Variants in ECPAS observed in about 807,000 individuals in gnomAD.
The protein encoded by ECPAS is proteasome adapter and scaffold protein ECM29.
ECPAS carries 70 observed loss-of-function variants against 255.1 expected under a neutral mutation model. The observed-to-expected ratio is 0.27, with a 90% CI of 0.23 to 0.33. ECPAS has a LOEUF of 0.33. Among genes scored for constraint, ECPAS ranks in the 10% least tolerant of loss-of-function variants. ECPAS has a pLI of 1.00. For missense variants in ECPAS, 1,817 were observed against 2,206.4 expected, an observed-to-expected ratio of 0.82 and a Z score of 3.54; for synonymous variants, 784 against 775.0, an observed-to-expected ratio of 1.01 and a Z score of -0.19.
intron 16 of ECPAS, among the ~76,000 whole-genome samples, chr9:111,419,707 C>T (rs764932728): frequency 1.3e-4 from 19 of 151,110 alleles, no homozygotes; most frequent in Middle Eastern, 3.5e-3. Flanking sequence ...ATATTACACA[C>T]GCAATCATAT....
chr9:111,456,659 C>G (rs546829285), intron 2 of ECPAS, among the ~76,000 whole-genome samples: 1 of 152,276 alleles, frequency 6.6e-6, no homozygotes, highest in South Asian at 2.1e-4. Flanking sequence ...CATATGTGAC[C>G]AGCTGCAGTT....
At chr9:111,479,571 C>T (rs560324177) in intron 1 of ECPAS, among the ~76,000 whole-genome samples, 4 of 151,386 alleles carry the variant, frequency 2.6e-5, no homozygotes, top group East Asian at 3.9e-4. Flanking sequence ...CCAGCCTGGG[C>T]GACAGAGCAA....
intron 7 of ECPAS, among the ~76,000 whole-genome samples, chr9:111,435,260 GAA>G (rs957334782): frequency 1.3e-4 from 20 of 151,910 alleles, no homozygotes; most frequent in African/African-American, 4.8e-4. Flanking sequence ...TTTATAATTG[GAA>G]AAAACATGTT....
Position 111,410,002 on chromosome 9 carries a change from C to T in ECPAS, c.2550+39G>A, listed in dbSNP as rs966741020. ...TTTTGCTCATGTATGCATAGAAAGACCGAATTCCAGAAAGGGAAAAAATAA... is the reference window on the plus strand; with the variant it reads ...TTTTGCTCATGTATGCATAGAAAGATCGAATTCCAGAAAGGGAAAAAATAA... On this transcript the variant is annotated intron_variant, in intron 23 of 49. Transcript: ENST00000684092. 4.7e-6 allele frequency: 7 copies of T among 1,490,278 alleles called. No individual in the cohort carries two copies. The Admixed American group carries it at 1.4e-4, about 30-fold the overall frequency. The allele number at this position is 1,490,278 out of a possible 1,614,324, so 92.3% of individuals were successfully genotyped here.
rs1272488552 is a variant in ECPAS, at chr9:111,460,075, T to TA, written c.23-8521dup. The stretch of plus-strand genomic sequence containing the variant: ...TTTAAATCATAATACATAAAATAAG[T>TA]AAAAAATATGAGTCAAATCCAGCGA... On this transcript the variant is annotated intron_variant, in intron 2 of 49. Transcript: ENST00000684092. 2.0e-5 allele frequency among the ~76,000 whole-genome samples: 3 copies of TA among 151,934 alleles called. No individual in the cohort carries two copies. The East Asian group carries it at 5.8e-4, about 29-fold the overall frequency.
intron 48 of ECPAS, chr9:111,365,483 T>C (rs915615974): frequency 1.3e-5 from 2 of 152,764 alleles, no homozygotes; most frequent in African/African-American, 4.8e-5. Context: ...CCTGGCCAAC[T>C]TCGTGAAGCC....
intron 30 of ECPAS, 30 bp from the exon 31 acceptor site, chr9:111,389,753 T>G (rs748929070): frequency 1.3e-6 from 2 of 1,576,500 alleles, no homozygotes; most frequent in South Asian, 2.3e-5. Flanking sequence ...GTGACTCAGA[T>G]GCACCATTAT....
intron 15 of ECPAS, among the ~76,000 whole-genome samples, chr9:111,421,070 A>C (rs2098212850): frequency 6.6e-6 from 1 of 152,058 alleles, no homozygotes; most frequent in South Asian, 2.1e-4. Context: ...ATGAGCTTCC[A>C]AATACGCCTA....
intron 6 of ECPAS, among the ~76,000 whole-genome samples, chr9:111,437,648 C>T (rs1371443708): frequency 6.6e-6 from 1 of 152,108 alleles, no homozygotes; most frequent in African/African-American, 2.4e-5. Context: ...CACATAAGCA[C>T]ATAAAGTCCC....
At chr9:111,451,034 A>C (rs1230181893) in intron 3 of ECPAS, among the ~76,000 whole-genome samples, 7 of 152,212 alleles carry the variant, frequency 4.6e-5, no homozygotes, top group Non-Finnish European at 1.0e-4. Flanking sequence ...ATTTTGCTTA[A>C]ATTTTTTTTT....
At chr9:111,473,708 T>A (rs1434601898) in intron 1 of ECPAS, among the ~76,000 whole-genome samples, 1 of 152,226 alleles carries the variant, frequency 6.6e-6, no homozygotes, top group African/African-American at 2.4e-5. Context: ...GGCTCACGCC[T>A]GTAATCCCAG....
intron 8 of ECPAS, among the ~76,000 whole-genome samples, chr9:111,432,714 G>A (rs1158614842): frequency 6.6e-6 from 1 of 152,078 alleles, no homozygotes; most frequent in African/African-American, 2.4e-5. Flanking sequence ...ATTTTTCATT[G>A]ACTTCATTCA....
At chr9:111,416,455 T>A (rs1386533801) in intron 17 of ECPAS, 103 bp from the exon 18 acceptor site, 2 of 796,280 alleles carry the variant, frequency 2.5e-6, no homozygotes, top group African/African-American at 3.5e-5. Flanking sequence ...ATGTCCTAAG[T>A]TTGCTTCTTT....
chr9:111,417,291 A>T (rs534851907), intron 17 of ECPAS, among the ~76,000 whole-genome samples: 1 of 152,334 alleles, frequency 6.6e-6, no homozygotes, highest in African/African-American at 2.4e-5. Context: ...TAAGCATGTC[A>T]TATTAAGGGA....
At chr9:111,382,952 T>A (rs1242478399) in intron 35 of ECPAS, among the ~76,000 whole-genome samples, 1 of 152,172 alleles carries the variant, frequency 6.6e-6, no homozygotes, top group Non-Finnish European at 1.5e-5. Flanking sequence ...GGACCTACAG[T>A]GTAACAGGAA....
intron 10 of ECPAS, 84 bp from the exon 11 acceptor site, chr9:111,425,912 G>T (rs2098220829): frequency 1.5e-6 from 1 of 669,842 alleles, no homozygotes; most frequent in African/African-American, 1.8e-5. Flanking sequence ...TTCAGCAGCA[G>T]ACCTTTCATA....
Position 111,472,946 on chromosome 9 carries a change from C to T in ECPAS, c.-28G>A, listed in dbSNP as rs1026567773. On this transcript the variant is annotated 5_prime_UTR_variant, in exon 2 of 50. Transcript: ENST00000684092. ...TTTATCCAATCTTGACAAAAATCCT[C>T]GGGATCACCAATGGTACGTTCATCC... The T allele has an allele frequency of 1.3e-5, 16 of 1,243,834 alleles. No homozygotes were observed. The highest frequency in any genetic ancestry group is 2.2e-4 in the Middle Eastern group (1 of 4,510). 77.0% of individuals were successfully genotyped at this position (1,243,834 alleles called of 1,614,324 possible).
At chr9:111,367,832 G>A (rs1034905375) in intron 46 of ECPAS, among the ~76,000 whole-genome samples, 1 of 151,990 alleles carries the variant, frequency 6.6e-6, no homozygotes, top group African/African-American at 2.4e-5. Flanking sequence ...AGGATCACTT[G>A]AGCCCAGGAG....
chr9:111,436,196 CA>C (rs890769384), intron 7 of ECPAS, among the ~76,000 whole-genome samples: 1 of 149,886 alleles, frequency 6.7e-6, no homozygotes, highest in African/African-American at 2.4e-5. Flanking sequence ...TTACATTTCC[CA>C]AAAAAAAAGG....
Sources: gnomAD v4.1 joint callset for allele counts (sites outside exome capture counted in the v4.1 genomes callset) on GRCh38, gnomAD v4.1.1 for gene constraint, MANE v1.5 for transcripts, NCBI Gene and HGNC (gene_info 2026-07-23, HGNC 2026-07-21) for gene names.